The following HECW2 variants were observed in gnomAD, a reference collection of about 807,000 sequenced individuals.
HECW2 encodes the protein E3 ubiquitin-protein ligase HECW2.
In HECW2, 61 loss-of-function variants were observed where a neutral mutation model predicts 175.2. The observed-to-expected ratio is 0.35, with a 90% CI of 0.28 to 0.43. The LOEUF (loss-of-function observed/expected upper bound fraction) is 0.43. Among genes scored for constraint, HECW2 ranks in the 20% least tolerant of loss-of-function variants. The pLI is 1.00. For synonymous variants in HECW2, 671 were observed against 731.0 expected (o/e 0.92, Z 1.32); for missense variants, 1,524 against 2,000.5 (o/e 0.76, Z 4.54).
chr2:196,344,321 A>T (rs907728236), intron 2 of HECW2, among the ~76,000 whole-genome samples: 2 of 107,374 alleles, frequency 1.9e-5, no homozygotes, highest in Non-Finnish European at 3.9e-5. Flanking sequence ...AGACAAGATA[A>T]GAAAAAAAAA....
intron 28 of HECW2, among the ~76,000 whole-genome samples, chr2:196,209,865 G>A (rs1462938447): frequency 1.3e-5 from 2 of 151,050 alleles, no homozygotes; most frequent in Non-Finnish European, 2.9e-5. Flanking sequence ...CCGGGCTCCC[G>A]CCATTCTCCT....
At chr2:196,240,695 G>A in intron 20 of HECW2, 133 bp from the exon 21 acceptor site, 1 of 878,012 alleles carries the variant, frequency 1.1e-6, no homozygotes, top group South Asian at 2.4e-5. Flanking sequence ...TATCATTGCT[G>A]TCTGCAATAA....
In HECW2 at chr2:196,358,593, A is replaced by G; in HGVS notation, c.293-14829T>C. Among the ~76,000 whole-genome samples the G allele has an allele frequency of 1.6e-5, 2 of 124,566 alleles. 1 individual carries two copies. Among genetic ancestry groups the G allele is most frequent in the East Asian group, 4.9e-4 (2 of 4,058 alleles). The allele number at this position is 124,566 out of a possible 152,430, so 81.7% of individuals were successfully genotyped here. ...AGAGCAAGACTCTGTCTCAAAAAAAAAAAAAAAAAAAAAAAAAAAAAAAAG... is the reference window on the plus strand; with the variant it reads ...AGAGCAAGACTCTGTCTCAAAAAAAGAAAAAAAAAAAAAAAAAAAAAAAAG... On this transcript the variant is annotated intron_variant, in intron 2 of 28. Coordinates refer to ENST00000644978, the MANE Select transcript of HECW2 (RefSeq NM_001348768.2).
chr2:196,327,269 G>A (rs1167539354), intron 5 of HECW2, among the ~76,000 whole-genome samples: 2 of 152,114 alleles, frequency 1.3e-5, no homozygotes, highest in Non-Finnish European at 2.9e-5. Context: ...TTTCCACAAT[G>A]GGACATTGTA....
intron 2 of HECW2, among the ~76,000 whole-genome samples, chr2:196,354,208 G>T (rs982005215): frequency 7.2e-5 from 11 of 152,224 alleles, no homozygotes; most frequent in African/African-American, 2.4e-4. Context: ...GCTGCAGATA[G>T]TGGGACTAAA....
chr2:196,306,845 G>A (rs575408797), intron 12 of HECW2, among the ~76,000 whole-genome samples: 3 of 152,214 alleles, frequency 2.0e-5, no homozygotes, highest in South Asian at 2.1e-4. Flanking sequence ...ACATTTTAAT[G>A]CATTCTTACG....
Position 196,372,350 on chromosome 2 carries a change from C to G in HECW2, c.293-28586G>C, listed in dbSNP as rs1693930201. 2.0e-5 allele frequency among the ~76,000 whole-genome samples: 3 copies of G among 152,192 alleles called. No homozygotes were observed. The South Asian group carries it at 6.2e-4, about 31-fold the overall frequency. On this transcript the variant is annotated intron_variant, in intron 2 of 28. Transcript: ENST00000644978. ...CATAATTTTCTCCCTTATTGAAGACCTGCACTGTGAACAGTATTAAAGTTA... is the reference window on the plus strand; with the variant it reads ...CATAATTTTCTCCCTTATTGAAGACGTGCACTGTGAACAGTATTAAAGTTA...
intron 27 of HECW2, 50 bp downstream of exon 27, chr2:196,216,958 C>A: frequency 2.4e-6 from 3 of 1,234,654 alleles, no homozygotes; most frequent in Non-Finnish European, 2.2e-6. Context: ...CATACACTTC[C>A]AACAATAATC....
chr2:196,314,184 C>T (rs1691605529), intron 10 of HECW2, among the ~76,000 whole-genome samples: 2 of 152,196 alleles, frequency 1.3e-5, no homozygotes, highest in East Asian at 1.9e-4. Context: ...ACCCCTGCAG[C>T]CACTTCCCTA....
At chr2:196,509,336 C>T (rs2125413631) in intron 1 of HECW2, among the ~76,000 whole-genome samples, 1 of 152,262 alleles carries the variant, frequency 6.6e-6, no homozygotes, top group African/African-American at 2.4e-5. Flanking sequence ...TGGAAGCTCA[C>T]CAAACCCAGT....
intron 6 of HECW2, 69 bp from the exon 7 acceptor site, chr2:196,322,689 G>A (rs1344485038): frequency 9.5e-5 from 131 of 1,380,474 alleles, no homozygotes; most frequent in Non-Finnish European, 1.2e-4. Flanking sequence ...CATTTTATTT[G>A]TATAGGAAAT....
chr2:196,338,629 T>A (rs183170349), intron 3 of HECW2, among the ~76,000 whole-genome samples: 24 of 152,320 alleles, frequency 1.6e-4, no homozygotes, highest in African/African-American at 5.8e-4. Flanking sequence ...CACGATTCAC[T>A]CAGGCAGTAG....
chr2:196,323,363 C>A (rs138420142), intron 6 of HECW2, among the ~76,000 whole-genome samples: 3 of 152,126 alleles, frequency 2.0e-5, no homozygotes, highest in South Asian at 2.1e-4. Context: ...ATCTTTACAA[C>A]GATGTAACTT....
intron 1 of HECW2, among the ~76,000 whole-genome samples, chr2:196,472,475 C>A (rs1297419847): frequency 1.7e-5 from 2 of 117,346 alleles, no homozygotes; most frequent in Admixed American, 9.4e-5. Context: ...GTGACAGAGA[C>A]TCCGTCAAAA....
At chr2:196,587,573 T>G (rs1228999959) in intron 1 of HECW2, among the ~76,000 whole-genome samples, 1 of 152,220 alleles carries the variant, frequency 6.6e-6, no homozygotes, top group Non-Finnish European at 1.5e-5. Context: ...GAACTACTTT[T>G]GAACCACTTA....
At chr2:196,504,749 A>G (rs1687695910) in intron 1 of HECW2, among the ~76,000 whole-genome samples, 1 of 152,130 alleles carries the variant, frequency 6.6e-6, no homozygotes, top group Admixed American at 6.5e-5. Flanking sequence ...CCAACCTTAC[A>G]TATTATACAC....
chr2:196,474,253 T>C (rs1697330383), intron 1 of HECW2, among the ~76,000 whole-genome samples: 1 of 152,222 alleles, frequency 6.6e-6, no homozygotes, highest in Non-Finnish European at 1.5e-5. Context: ...AAATAAGTAT[T>C]CAATATCTTT....
At chr2:196,253,264 G>C (rs1193616659) in intron 19 of HECW2, among the ~76,000 whole-genome samples, 1 of 152,184 alleles carries the variant, frequency 6.6e-6, no homozygotes, top group Non-Finnish European at 1.5e-5. Flanking sequence ...ACAATGCACT[G>C]CCTATAATAA....
intron 2 of HECW2, among the ~76,000 whole-genome samples, chr2:196,397,212 G>C (rs1380794392): frequency 1.3e-5 from 2 of 152,256 alleles, no homozygotes; most frequent in Admixed American, 1.3e-4. Context: ...TGTTTAGACA[G>C]ATTGGTGTGA....
Sources: gnomAD v4.1 joint callset for allele counts (sites outside exome capture counted in the v4.1 genomes callset) on GRCh38, gnomAD v4.1.1 for gene constraint, MANE v1.5 for transcripts, NCBI Gene and HGNC (gene_info 2026-07-23, HGNC 2026-07-21) for gene names.